The following RBMS3 variants were observed in gnomAD, a reference collection of about 807,000 sequenced individuals.
RBMS3 encodes the protein RNA binding motif single stranded interacting protein 3.
A neutral mutation model predicts 66.8 loss-of-function variants in RBMS3; 27 were observed. The ratio of observed to expected loss-of-function variants is 0.40; its 90% CI spans 0.30 to 0.56. The LOEUF (loss-of-function observed/expected upper bound fraction) is 0.56, where lower values mean the gene tolerates loss of function less well. Ranked by LOEUF, RBMS3 falls within the 20% of genes least tolerant of loss-of-function variation. The pLI, the probability that RBMS3 is intolerant of heterozygous loss-of-function variation, is 0.40. For synonymous variants in RBMS3, 188 were observed against 183.0 expected (o/e 1.03, Z -0.22); for missense variants, 513 against 549.5 (o/e 0.93, Z 0.66).
At chr3:29,320,507 A>G (rs1025999857) in intron 1 of RBMS3, among the ~76,000 whole-genome samples, 2 of 152,072 alleles carry the variant, frequency 1.3e-5, no homozygotes, top group African/African-American at 4.8e-5. Flanking sequence ...ATACTATCAC[A>G]GAGAAAAATT....
intron 4 of RBMS3, among the ~76,000 whole-genome samples, chr3:29,656,266 C>T (rs1264734407): frequency 6.6e-6 from 1 of 152,164 alleles, no homozygotes; most frequent in East Asian, 1.9e-4. Context: ...GAGCAAGCTC[C>T]ATTCATGTAC....
At chr3:29,690,221 G>A (rs1471558920) in intron 4 of RBMS3, among the ~76,000 whole-genome samples, 1 of 152,014 alleles carries the variant, frequency 6.6e-6, no homozygotes, top group East Asian at 1.9e-4. Context: ...AGCCCGAAGT[G>A]GGAGGATTGC....
At chr3:29,960,737 C>T (rs897458846) in intron 12 of RBMS3, among the ~76,000 whole-genome samples, 1 of 152,144 alleles carries the variant, frequency 6.6e-6, no homozygotes, top group Non-Finnish European at 1.5e-5. Flanking sequence ...TGGAAGCTGC[C>T]AAGGCTTGGG....
chr3:29,556,664 T>C (rs1157937862), intron 3 of RBMS3, among the ~76,000 whole-genome samples: 1 of 152,160 alleles, frequency 6.6e-6, no homozygotes, highest in Non-Finnish European at 1.5e-5. Flanking sequence ...CTCAGTGCTC[T>C]GCACAGATCC....
chr3:29,627,568 C>G (rs954365002), intron 4 of RBMS3, among the ~76,000 whole-genome samples: 1 of 152,142 alleles, frequency 6.6e-6, no homozygotes, highest in South Asian at 2.1e-4. Context: ...TTAGATACTA[C>G]TTCCTCCAGG....
rs551315869 is a variant in RBMS3 at position 29,493,713 on chromosome 3, C to T, written c.307+5214C>T. Among the ~76,000 whole-genome samples, 188 of 152,084 alleles carry T rather than the reference C, an allele frequency of 1.2e-3. 1 individual carries two copies. The highest frequency in any genetic ancestry group is 2.2e-3 in the Admixed American group (34 of 15,266). On this transcript the variant is annotated intron_variant, in intron 3 of 14. Transcript: ENST00000383767. ...TATTTTGATTGTTCTTTCTATGGAA[C>T]CTGAGTAACTCATGACTGTATGGTT... is the stretch of plus-strand genomic sequence containing the variant.
At chr3:29,562,815 G>C (rs1451416252) in intron 3 of RBMS3, among the ~76,000 whole-genome samples, 1 of 152,144 alleles carries the variant, frequency 6.6e-6, no homozygotes, top group East Asian at 1.9e-4. Flanking sequence ...TTATCTTTGA[G>C]TAGAAGACTA....
At chr3:29,484,331 A>C (rs559204420) in intron 2 of RBMS3, among the ~76,000 whole-genome samples, 1 of 152,294 alleles carries the variant, frequency 6.6e-6, no homozygotes, top group South Asian at 2.1e-4. Context: ...TGGGAAATAC[A>C]AGATCAAGGT....
intron 12 of RBMS3, among the ~76,000 whole-genome samples, chr3:29,974,826 C>A (rs893254580): frequency 7.8e-6 from 1 of 128,700 alleles, no homozygotes; most frequent in African/African-American, 3.0e-5. Context: ...ATATAAAATA[C>A]GTTTATATAT....
intron 2 of RBMS3, among the ~76,000 whole-genome samples, chr3:29,439,005 GATAA>G (rs2041507596): frequency 6.6e-6 from 1 of 152,130 alleles, no homozygotes; most frequent in Non-Finnish European, 1.5e-5. Flanking sequence ...AGATTAGAAG[GATAA>G]ATAGATTTAA....
intron 1 of RBMS3, among the ~76,000 whole-genome samples, chr3:29,331,974 G>C (rs7373092): frequency 0.48 from 72,683 of 151,622 alleles, 17,869 homozygotes; most frequent in Admixed American, 0.57. Flanking sequence ...GAACTCTTTG[G>C]GGGAGTATCT....
At chr3:29,723,135 C>T (rs1223622345) in intron 4 of RBMS3, among the ~76,000 whole-genome samples, 1 of 147,336 alleles carries the variant, frequency 6.8e-6, no homozygotes, top group Non-Finnish European at 1.5e-5. Flanking sequence ...ATCCCCACGC[C>T]TGGCTAATTT....
intron 11 of RBMS3, among the ~76,000 whole-genome samples, chr3:29,938,745 T>A (rs887109478): frequency 6.6e-6 from 1 of 151,942 alleles, no homozygotes; most frequent in Non-Finnish European, 1.5e-5. Flanking sequence ...GGGGAAGGAA[T>A]CCTGGCATCA....
Position 29,947,962 on chromosome 3 carries a change from GA to G in RBMS3, c.1098+3715del, listed in dbSNP as rs1449334169. 7.3e-5 allele frequency among the ~76,000 whole-genome samples: 11 copies of G among 150,940 alleles called. No individual in the cohort carries two copies. The South Asian group carries it at 2.1e-3, about 29-fold the overall frequency. ...GAGTTCAGAATTTGAACCTAGGTTT[GA>G]AAAAAATTTTTTTTTAAAAAAGAAA... On this transcript the variant is annotated intron_variant, in intron 12 of 14. Coordinates refer to ENST00000383767, the MANE Select transcript of RBMS3 (RefSeq NM_001003793.3).
At chr3:29,419,366 A>G (rs1214995144) in intron 1 of RBMS3, among the ~76,000 whole-genome samples, 2 of 152,172 alleles carry the variant, frequency 1.3e-5, no homozygotes, top group East Asian at 1.9e-4. Flanking sequence ...CATTTATTGT[A>G]ATATTATCAT....
chr3:29,867,580 A>G (rs1196559750), intron 6 of RBMS3, among the ~76,000 whole-genome samples: 2 of 146,314 alleles, frequency 1.4e-5, no homozygotes, highest in African/African-American at 5.1e-5. Flanking sequence ...CAGCAGGCTA[A>G]CCTGGGCATG....
At chr3:29,847,718 C>T (rs542619957) in intron 6 of RBMS3, among the ~76,000 whole-genome samples, 192 of 151,904 alleles carry the variant, frequency 1.3e-3, no homozygotes, top group African/African-American at 4.5e-3. Context: ...TGCAGTGGCG[C>T]GATCTCGGCT....
chr3:29,537,021 C>T (rs777545873), intron 3 of RBMS3, among the ~76,000 whole-genome samples: 16 of 152,206 alleles, frequency 1.1e-4, no homozygotes, highest in Non-Finnish European at 2.4e-4. Context: ...TCATGCCTAT[C>T]ATGTGTGCTT....
chr3:29,973,624 A>T (rs1226346703), intron 12 of RBMS3, among the ~76,000 whole-genome samples: 1 of 151,888 alleles, frequency 6.6e-6, no homozygotes, highest in African/African-American at 2.4e-5. Flanking sequence ...AGGTGTGTGT[A>T]TCCTTTATTG....
Sources: allele counts gnomAD v4.1 joint callset (sites outside exome capture counted in the v4.1 genomes callset), GRCh38; gene constraint gnomAD v4.1.1; transcripts MANE v1.5; gene names NCBI Gene and HGNC (gene_info 2026-07-23, HGNC 2026-07-21).